FRMD4A: variants seen among roughly 807,000 people sequenced by gnomAD.
FRMD4A encodes FERM domain containing 4A.
In FRMD4A, 29 loss-of-function variants were observed where a neutral mutation model predicts 129.1. The observed-to-expected ratio is 0.22, with a 90% CI of 0.17 to 0.31. The LOEUF (loss-of-function observed/expected upper bound fraction) is 0.31, where lower values mean the gene tolerates loss of function less well. Ranked by LOEUF, FRMD4A falls within the 10% of genes least tolerant of loss-of-function variation. FRMD4A has a pLI of 1.00. For missense variants in FRMD4A, 1,272 were observed against 1,375.8 expected (o/e 0.92, Z 1.19); for synonymous variants, 634 against 571.6 (o/e 1.11, Z -1.56).
chr10:14,231,503 C>T (rs907096587), intron 2 of FRMD4A, among the ~76,000 whole-genome samples: 3 of 152,110 alleles, frequency 2.0e-5, no homozygotes, highest in Non-Finnish European at 4.4e-5. Flanking sequence ...CCACCACGCC[C>T]GGCTAATTTT....
At chr10:14,118,634 A>G (rs1295151385) in intron 2 of FRMD4A, among the ~76,000 whole-genome samples, 1 of 152,172 alleles carries the variant, frequency 6.6e-6, no homozygotes, top group African/African-American at 2.4e-5. Flanking sequence ...CCTCACAATC[A>G]TGGTGGAAGA....
At chr10:14,228,155 AGCC>A (rs2131983397) in intron 2 of FRMD4A, among the ~76,000 whole-genome samples, 1 of 152,318 alleles carries the variant, frequency 6.6e-6, no homozygotes, top group South Asian at 2.1e-4. Context: ...TACAGGTGTG[AGCC>A]ACCGCACCCA....
chr10:13,688,277 G>A (rs1048098322), intron 15 of FRMD4A, among the ~76,000 whole-genome samples: 2 of 152,054 alleles, frequency 1.3e-5, no homozygotes, highest in African/African-American at 2.4e-5. Flanking sequence ...CATCATTCTC[G>A]GCAAACTATA....
intron 2 of FRMD4A, among the ~76,000 whole-genome samples, chr10:14,209,682 T>C (rs10796172): frequency 0.99 from 148,556 of 150,244 alleles, 73,465 homozygotes; most frequent in East Asian, 1. Flanking sequence ...GATTGTGCCA[T>C]TGCACTCCAG....
chr10:13,980,636 C>T (rs1317086370), intron 2 of FRMD4A, among the ~76,000 whole-genome samples: 1 of 152,178 alleles, frequency 6.6e-6, no homozygotes, highest in African/African-American at 2.4e-5. Context: ...TGGAGGATTG[C>T]TTGACCCTGG....
chr10:13,932,343 C>T (rs2095208007), intron 2 of FRMD4A, among the ~76,000 whole-genome samples: 1 of 152,154 alleles, frequency 6.6e-6, no homozygotes, highest in Non-Finnish European at 1.5e-5. Context: ...TCTTCCAGCT[C>T]AACATCTCCA....
intron 2 of FRMD4A, among the ~76,000 whole-genome samples, chr10:14,272,507 C>T (rs1845196468): frequency 1.3e-5 from 2 of 152,186 alleles, no homozygotes; most frequent in African/African-American, 2.4e-5. Context: ...AGACACTCTC[C>T]ATCCTAACAC....
At chr10:14,098,922 G>A (rs774439318) in intron 2 of FRMD4A, among the ~76,000 whole-genome samples, 56 of 152,292 alleles carry the variant, frequency 3.7e-4, no homozygotes, top group Non-Finnish European at 7.5e-4. Context: ...CAGCTCTGCC[G>A]CTTTTCAGTG....
Position 13,819,115 on chromosome 10 carries a change from G to A in FRMD4A, c.112-8207C>T, listed in dbSNP as rs1490714859. ...TACCCTCCAGCCTGGGTGACAGAGTGAGACTCTGTCTCAAACAAAACAAAA... is the reference window on the plus strand; with the variant it reads ...TACCCTCCAGCCTGGGTGACAGAGTAAGACTCTGTCTCAAACAAAACAAAA... On this transcript the variant is annotated intron_variant, in intron 3 of 24. Coordinates refer to ENST00000357447, the MANE Select transcript of FRMD4A (RefSeq NM_018027.5). Among the ~76,000 whole-genome samples the A allele has an allele frequency of 4.3e-5, 6 of 138,612 alleles. No homozygotes were observed. In the Admixed American group the frequency reaches 4.6e-4, roughly 11 times the overall value. 90.9% of individuals were successfully genotyped at this position (138,612 alleles called of 152,430 possible).
chr10:14,044,774 A>C (rs1833917578), intron 2 of FRMD4A, among the ~76,000 whole-genome samples: 1 of 152,228 alleles, frequency 6.6e-6, no homozygotes, highest in South Asian at 2.1e-4. Flanking sequence ...GAGGCTTAAG[A>C]AAGTAATACA....
intron 2 of FRMD4A, among the ~76,000 whole-genome samples, chr10:13,868,509 A>C (rs1458933471): frequency 6.6e-6 from 1 of 152,164 alleles, no homozygotes; most frequent in Non-Finnish European, 1.5e-5. Context: ...TTAAAAAAAC[A>C]TACGCAGGTG....
Position 13,814,600 on chromosome 10 carries a change from A to G in FRMD4A, c.112-3692T>C, listed in dbSNP as rs1167086954. 2.3e-3 allele frequency among the ~76,000 whole-genome samples: 333 copies of G among 142,544 alleles called. 5 individuals carry two copies. The highest frequency in any genetic ancestry group is 7.8e-3 in the African/African-American group (313 of 40,224). The allele number at this position is 142,544 out of a possible 152,430, so 93.5% of individuals were successfully genotyped here. On this transcript the variant is annotated intron_variant, in intron 3 of 24. Transcript: ENST00000357447. ...TGTTTCAAAAAAAAAAAAAAAAAAA[A>G]AAAAAAAGAAAGAAAGGGAAAGAGA...
chr10:13,749,993 C>T lies in FRMD4A; in HGVS notation c.465-2174G>A, dbSNP rs534129648. On this transcript the variant is annotated intron_variant, in intron 8 of 24. Coordinates refer to ENST00000357447, the MANE Select transcript of FRMD4A (RefSeq NM_018027.5). ...GAAAAGGGAAAGAGAAAGAAAGAGA[C>T]AGAGAAAAAGAAAGAGAGAGAGAGA... 4.0e-4 allele frequency among the ~76,000 whole-genome samples: 52 copies of T among 130,810 alleles called. 1 individual carries two copies. In the Middle Eastern group the frequency reaches 0.014, roughly 34 times the overall value. The allele number at this position is 130,810 out of a possible 152,430, so 85.8% of individuals were successfully genotyped here.
intron 2 of FRMD4A, among the ~76,000 whole-genome samples, chr10:14,287,846 A>C (rs983542750): frequency 2.0e-5 from 3 of 152,190 alleles, no homozygotes; most frequent in Non-Finnish European, 4.4e-5. Context: ...ATGAATGACA[A>C]GTGCCAGTTT....
chr10:14,265,639 C>T (rs1425754344), intron 2 of FRMD4A, among the ~76,000 whole-genome samples: 3 of 152,182 alleles, frequency 2.0e-5, no homozygotes, highest in African/African-American at 4.8e-5. Flanking sequence ...TTCTGATTAT[C>T]CCAACTGGGA....
At chr10:14,194,437 C>G (rs1279445598) in intron 2 of FRMD4A, among the ~76,000 whole-genome samples, 2 of 152,092 alleles carry the variant, frequency 1.3e-5, no homozygotes, top group Non-Finnish European at 2.9e-5. Flanking sequence ...GGTGAAACCC[C>G]GTCTCTACTA....
intron 2 of FRMD4A, among the ~76,000 whole-genome samples, chr10:14,246,033 T>G (rs545409557): frequency 6.6e-6 from 1 of 152,120 alleles, no homozygotes; most frequent in African/African-American, 2.4e-5. Flanking sequence ...TTCCAAAAAC[T>G]GAGGCAAAGG....
rs566834455 is a variant in FRMD4A, at chr10:14,199,866, T to A, written c.45+130192A>T. On this transcript the variant is annotated intron_variant, in intron 2 of 24. Transcript: ENST00000357447. ...CCTTTAAGAAAGACATGAATAATTT[T>A]AAAAATTTTACTAAAATTTTAAAAA... 1.5e-4 allele frequency among the ~76,000 whole-genome samples: 23 copies of A among 151,208 alleles called. 1 individual carries two copies. In the South Asian group the frequency reaches 4.6e-3, roughly 30 times the overall value.
intron 2 of FRMD4A, among the ~76,000 whole-genome samples, chr10:13,970,444 G>A (rs151312863): frequency 3.0e-4 from 45 of 152,294 alleles, no homozygotes; most frequent in Middle Eastern, 3.4e-3. Flanking sequence ...GGTGGAGCGA[G>A]GGGACGGGTG....
Sources: gnomAD v4.1 joint callset for allele counts (sites outside exome capture counted in the v4.1 genomes callset) on GRCh38, gnomAD v4.1.1 for gene constraint, MANE v1.5 for transcripts, NCBI Gene and HGNC (gene_info 2026-07-23, HGNC 2026-07-21) for gene names.